The following MACROD2 variants were observed in gnomAD, a reference collection of about 807,000 sequenced individuals.
The protein encoded by MACROD2 is mono-ADP ribosylhydrolase 2, also known as ADP-ribose glycohydrolase MACROD2.
A neutral mutation model predicts 70.4 loss-of-function variants in MACROD2; 36 were observed. The ratio of observed to expected loss-of-function variants is 0.51; its 90% CI spans 0.39 to 0.68. The LOEUF (loss-of-function observed/expected upper bound fraction) is 0.68. Ranked by LOEUF, MACROD2 falls within the 30% of genes least tolerant of loss-of-function variation. MACROD2 has a pLI of 0.00. For synonymous variants in MACROD2, 172 were observed against 178.8 expected (o/e 0.96, Z 0.30); for missense variants, 496 against 538.4 (o/e 0.92, Z 0.78).
intron 2 of MACROD2, among the ~76,000 whole-genome samples, chr20:14,043,316 A>G (rs569111166): frequency 4.5e-4 from 68 of 152,320 alleles, no homozygotes; most frequent in Admixed American, 1.0e-3. Context: ...GAAGTGGCTT[A>G]CAGAACACAG....
At chr20:15,028,561 C>G (rs535627810) in intron 5 of MACROD2, among the ~76,000 whole-genome samples, 74 of 152,252 alleles carry the variant, frequency 4.9e-4, no homozygotes, top group African/African-American at 1.7e-3. Context: ...ATCTGTCCCT[C>G]TAATATTAGG....
At chr20:15,515,324 C>G (rs568014114) in intron 8 of MACROD2, among the ~76,000 whole-genome samples, 1 of 152,330 alleles carries the variant, frequency 6.6e-6, no homozygotes, top group Non-Finnish European at 1.5e-5. Flanking sequence ...ATTTCAAAAT[C>G]TCCCTGAGAG....
At chr20:15,417,939 A>C (rs1346571242) in intron 6 of MACROD2, among the ~76,000 whole-genome samples, 1 of 152,204 alleles carries the variant, frequency 6.6e-6, no homozygotes, top group East Asian at 1.9e-4. Context: ...AAGAATTCTC[A>C]TCTCTAACCA....
intron 2 of MACROD2, among the ~76,000 whole-genome samples, chr20:14,074,125 T>C (rs1601189854): frequency 6.6e-6 from 1 of 152,180 alleles, no homozygotes; most frequent in Admixed American, 6.5e-5. Flanking sequence ...CCCTAGTGTT[T>C]CCTCTTAGTG....
intron 8 of MACROD2, among the ~76,000 whole-genome samples, chr20:15,607,032 A>G (rs1223755934): frequency 1.3e-5 from 2 of 151,720 alleles, no homozygotes; most frequent in Non-Finnish European, 2.9e-5. Flanking sequence ...TTGGGAAACT[A>G]AGACTGGGCA....
chr20:14,933,583 T>C (rs2074314888), intron 5 of MACROD2, among the ~76,000 whole-genome samples: 2 of 151,656 alleles, frequency 1.3e-5, no homozygotes, highest in Admixed American at 6.6e-5. Flanking sequence ...TGAGCCATGA[T>C]CATGCCACTG....
chr20:14,327,500 T>A (rs1298097948), intron 3 of MACROD2: 1 of 1,611,346 alleles, frequency 6.2e-7, no homozygotes, highest in East Asian at 2.2e-5. Flanking sequence ...CAGGCTGCGC[T>A]GATCATGGTC....
chr20:14,683,613 TC>T (rs2070961903), intron 4 of MACROD2, among the ~76,000 whole-genome samples: 1 of 152,202 alleles, frequency 6.6e-6, no homozygotes, highest in Non-Finnish European at 1.5e-5. Flanking sequence ...AAGTGATGCC[TC>T]CCTGCCATGC....
chr20:15,685,573 AG>A (rs1166685597), intron 8 of MACROD2, among the ~76,000 whole-genome samples: 1 of 152,218 alleles, frequency 6.6e-6, no homozygotes, highest in African/African-American at 2.4e-5. Context: ...AATCTAGACA[AG>A]GGGGAAGACT....
intron 4 of MACROD2, among the ~76,000 whole-genome samples, chr20:14,495,707 C>T (rs1272968773): frequency 6.6e-6 from 1 of 152,118 alleles, no homozygotes; most frequent in Non-Finnish European, 1.5e-5. Context: ...CCTCTCTTCT[C>T]TGTGAGAAGA....
At chr20:14,646,422 A>G (rs1985394439) in intron 4 of MACROD2, among the ~76,000 whole-genome samples, 1 of 152,100 alleles carries the variant, frequency 6.6e-6, no homozygotes, top group South Asian at 2.1e-4. Flanking sequence ...ATTTCACCAA[A>G]TCTTTCATTA....
At position 14,727,278 on chromosome 20, in the gene MACROD2, C is replaced by T. The variant is rs112413729; in HGVS notation, c.418+42319C>T. Among the ~76,000 whole-genome samples the T allele has an allele frequency of 9.1e-3, 1,388 of 152,240 alleles. 51 individuals carry two copies. In the East Asian group the frequency reaches 0.11, roughly 12 times the overall value. On this transcript the variant is annotated intron_variant, in intron 5 of 17. Coordinates refer to ENST00000684519, the MANE Select transcript of MACROD2 (RefSeq NM_001351661.2). ...ACAGGCAGTGGCTCATGCCTGTAAA[C>T]CCAGCACTTTGGGAGGCTGAGGTGG...
At chr20:15,387,063 C>T (rs550759212) in intron 6 of MACROD2, among the ~76,000 whole-genome samples, 23 of 152,240 alleles carry the variant, frequency 1.5e-4, no homozygotes, top group East Asian at 3.9e-4. Context: ...ATGAGAGAAA[C>T]GCCTGTTTCC....
intron 8 of MACROD2, among the ~76,000 whole-genome samples, chr20:15,641,529 C>T (rs1037866618): frequency 1.3e-5 from 2 of 152,124 alleles, no homozygotes; most frequent in South Asian, 2.1e-4. Flanking sequence ...CTTTTTTGCT[C>T]TTCATGGAAT....
intron 7 of MACROD2, among the ~76,000 whole-genome samples, chr20:15,469,107 C>A (rs1286839065): frequency 1.3e-5 from 2 of 152,178 alleles, no homozygotes; most frequent in African/African-American, 4.8e-5. Flanking sequence ...GCATTCAACA[C>A]TGACATACGT....
chr20:15,927,004 G>A (rs1176185013), intron 10 of MACROD2, among the ~76,000 whole-genome samples: 3 of 152,168 alleles, frequency 2.0e-5, no homozygotes, highest in Non-Finnish European at 4.4e-5. Flanking sequence ...TAGAGGGGAT[G>A]GAGGATGGCC....
At chr20:15,557,414 A>AG (rs1471549400) in intron 8 of MACROD2, among the ~76,000 whole-genome samples, 1 of 152,200 alleles carries the variant, frequency 6.6e-6, no homozygotes, top group East Asian at 1.9e-4. Flanking sequence ...ATGCAGAGAG[A>AG]GAAAAAAATA....
intron 6 of MACROD2, among the ~76,000 whole-genome samples, chr20:15,271,543 C>A (rs1358649362): frequency 6.6e-6 from 1 of 152,168 alleles, no homozygotes; most frequent in Non-Finnish European, 1.5e-5. Context: ...ATGGTAGGAG[C>A]ACAAGAAGCA....
intron 5 of MACROD2, among the ~76,000 whole-genome samples, chr20:14,945,855 A>G (rs1208968177): frequency 3.3e-5 from 5 of 152,194 alleles, no homozygotes; most frequent in African/African-American, 4.8e-5. Context: ...TGGTGGCCTC[A>G]CTTGTTATTG....
Sources: allele counts gnomAD v4.1 joint callset (sites outside exome capture counted in the v4.1 genomes callset), GRCh38; gene constraint gnomAD v4.1.1; transcripts MANE v1.5; gene names NCBI Gene and HGNC (gene_info 2026-07-23, HGNC 2026-07-21).